The following WDR59 variants were observed in gnomAD, a reference collection of about 807,000 sequenced individuals.
WDR59 encodes WD repeat domain 59.
In WDR59, 100 loss-of-function variants were observed where a neutral mutation model predicts 131.2. That is an observed-to-expected ratio of 0.76 (90% confidence interval 0.65 to 0.90). WDR59 has a LOEUF of 0.90. Ranked by LOEUF, WDR59 falls within the 40% of genes least tolerant of loss-of-function variation. The pLI, the probability that WDR59 is intolerant of heterozygous loss-of-function variation, is 0.00. For missense variants in WDR59, 1,203 were observed against 1,262.2 expected, an observed-to-expected ratio of 0.95 and a Z score of 0.71; for synonymous variants, 601 against 466.2, an observed-to-expected ratio of 1.29 and a Z score of -3.72.
At chr16:74,962,545 CA>C (rs1269054958) in intron 2 of WDR59, among the ~76,000 whole-genome samples, 1 of 152,026 alleles carries the variant, frequency 6.6e-6, no homozygotes, top group African/African-American at 2.4e-5. Flanking sequence ...CTCTTTGTAA[CA>C]ATTGCGAATG....
chr16:74,985,059 C>G lies in WDR59; in HGVS notation c.-42G>C. On this transcript the variant is annotated 5_prime_UTR_variant, in exon 1 of 26. Coordinates refer to ENST00000262144, the MANE Select transcript of WDR59 (RefSeq NM_030581.4). ...CCGCGGCCCCAGGACGGCGCCCTCC[C>G]ACCCCGCCGTCCCCAGTATCCCGGG... 1 of 1,534,038 alleles carries G rather than the reference C, an allele frequency of 6.5e-7. No homozygotes were observed.
chr16:74,984,137 C>T (rs973546455), intron 1 of WDR59, among the ~76,000 whole-genome samples: 6 of 152,024 alleles, frequency 3.9e-5, no homozygotes, highest in Admixed American at 2.6e-4. Context: ...ATTAGCCGGG[C>T]GTGGTGGTGC....
intron 8 of WDR59, among the ~76,000 whole-genome samples, chr16:74,929,817 G>A (rs1201198785): frequency 1.3e-5 from 2 of 152,134 alleles, no homozygotes; most frequent in Non-Finnish European, 2.9e-5. Flanking sequence ...AGAAAATGTA[G>A]TGCATATACA....
chr16:74,887,367 C>T (rs1964817011), intron 23 of WDR59, among the ~76,000 whole-genome samples: 1 of 151,966 alleles, frequency 6.6e-6, no homozygotes, highest in Non-Finnish European at 1.5e-5. Context: ...CGGTAGGTGG[C>T]AGATGAACAT....
intron 1 of WDR59, among the ~76,000 whole-genome samples, chr16:74,979,836 G>T (rs1280970254): frequency 1.8e-5 from 2 of 111,816 alleles, no homozygotes; most frequent in Admixed American, 2.5e-4. Context: ...ACCACACCCG[G>T]CCTTTTTTTT....
chr16:74,894,025 G>C (rs1965169708), intron 18 of WDR59: 2 of 506,560 alleles, frequency 3.9e-6, no homozygotes, highest in East Asian at 3.1e-5. Context: ...TGCCAGGCTA[G>C]ATACATTCTG....
Position 74,942,908 on chromosome 16 carries a change from A to C in WDR59, c.446-82T>G, listed in dbSNP as rs1030553712. 3.4e-5 allele frequency: 43 copies of C among 1,279,726 alleles called. No individual in the cohort carries two copies. In the African/African-American group the frequency reaches 6.0e-4, roughly 18 times the overall value. 79.3% of individuals were successfully genotyped at this position (1,279,726 alleles called of 1,614,324 possible). On this transcript the variant is annotated intron_variant, in intron 6 of 25. Transcript: ENST00000262144. ...CAGAGCACAGCCAGGGGAGCTGGATAATGAGTTCTGGCTGAATAAGCCCAG... is the reference window on the plus strand; with the variant it reads ...CAGAGCACAGCCAGGGGAGCTGGATCATGAGTTCTGGCTGAATAAGCCCAG...
chr16:74,912,920 C>T (rs775644129), intron 13 of WDR59, among the ~76,000 whole-genome samples: 22 of 152,196 alleles, frequency 1.4e-4, no homozygotes, highest in Non-Finnish European at 1.0e-4. Context: ...CGTGTTTAAG[C>T]GGTTTTCTGC....
intron 11 of WDR59, 86 bp downstream of exon 11, chr16:74,917,843 T>A: frequency 8.8e-7 from 1 of 1,134,832 alleles, no homozygotes; most frequent in South Asian, 1.4e-5. Context: ...TTGTTTATCC[T>A]GTAACCTCTA....
chr16:74,955,437 G>A (rs2033239517), intron 3 of WDR59, among the ~76,000 whole-genome samples: 2 of 152,122 alleles, frequency 1.3e-5, no homozygotes, highest in Admixed American at 6.6e-5. Flanking sequence ...CCGAGGGTGA[G>A]AGGGAAATAA....
chr16:74,916,687 C>T (rs532738037), intron 11 of WDR59, among the ~76,000 whole-genome samples: 27 of 152,002 alleles, frequency 1.8e-4, no homozygotes, highest in African/African-American at 5.8e-4. Flanking sequence ...GGTGAAATGC[C>T]GTCTCTACTA....
intron 10 of WDR59, among the ~76,000 whole-genome samples, chr16:74,918,959 G>A (rs187173440): frequency 2.0e-5 from 3 of 152,200 alleles, no homozygotes; most frequent in African/African-American, 4.8e-5. Context: ...TCTGAACCAC[G>A]GCTTGTTACA....
At position 74,939,828 on chromosome 16, in the gene WDR59, G is replaced by C. The variant is rs577238666; in HGVS notation, c.535-1562C>G. ...CACAGTAAGATTCCCATCTCTACAA[G>C]AAAAAAATTTTTTTAATTACCTCAT... On this transcript the variant is annotated intron_variant, in intron 7 of 25. Coordinates refer to ENST00000262144, the MANE Select transcript of WDR59 (RefSeq NM_030581.4). Among the ~76,000 whole-genome samples, 4 of 151,720 alleles carry C rather than the reference G, an allele frequency of 2.6e-5. No homozygotes were observed. In the South Asian group the frequency reaches 6.3e-4, roughly 24 times the overall value.
rs533951362 is a variant in WDR59, at chr16:74,933,792, T to C, written c.651+4358A>G. On this transcript the variant is annotated intron_variant, in intron 8 of 25. Coordinates refer to ENST00000262144, the MANE Select transcript of WDR59 (RefSeq NM_030581.4). Reference sequence around the variant, plus strand: ...TAGAGATGGAGTTACACCATGTTAGTGGGGCTAGTCACGAACTTCTGACCT... The same window carrying C: ...TAGAGATGGAGTTACACCATGTTAGCGGGGCTAGTCACGAACTTCTGACCT... Among the ~76,000 whole-genome samples the C allele has an allele frequency of 3.3e-5, 5 of 152,296 alleles. 1 individual carries two copies. The highest frequency in any genetic ancestry group is 6.5e-5 in the Admixed American group (1 of 15,280).
chr16:74,915,742 A>T, intron 13 of WDR59, 128 bp downstream of exon 13: 1 of 1,428,546 alleles, frequency 7.0e-7, no homozygotes, highest in Non-Finnish European at 9.6e-7. Context: ...CAGGAAATAA[A>T]AAAGCAAGCA....
intron 17 of WDR59, among the ~76,000 whole-genome samples, chr16:74,904,818 C>G (rs1453953308): frequency 6.6e-6 from 1 of 152,008 alleles, no homozygotes; most frequent in African/African-American, 2.4e-5. Flanking sequence ...ATAAATAGAT[C>G]AAAGGAAAAA....
At chr16:74,941,885 G>C (rs1452265679) in intron 7 of WDR59, among the ~76,000 whole-genome samples, 3 of 152,154 alleles carry the variant, frequency 2.0e-5, no homozygotes, top group Non-Finnish European at 4.4e-5. Flanking sequence ...CGTATGGAGG[G>C]AAGGGAGCAG....
At chr16:74,918,116 G>T in intron 10 of WDR59, 108 bp from the exon 11 acceptor site, 3 of 1,047,042 alleles carry the variant, frequency 2.9e-6, no homozygotes, top group Non-Finnish European at 2.9e-6. Context: ...AACATCTACT[G>T]AACATTTCTC....
chr16:74,886,961 C>G (rs1356293204), intron 23 of WDR59, among the ~76,000 whole-genome samples: 1 of 151,966 alleles, frequency 6.6e-6, no homozygotes, highest in Non-Finnish European at 1.5e-5. Context: ...CAAATGATGG[C>G]ACAGAGATAC....
Sources: gnomAD v4.1 joint callset for allele counts (sites outside exome capture counted in the v4.1 genomes callset) on GRCh38, gnomAD v4.1.1 for gene constraint, MANE v1.5 for transcripts, NCBI Gene and HGNC (gene_info 2026-07-23, HGNC 2026-07-21) for gene names.